WDPCP: variants seen among roughly 807,000 people sequenced by gnomAD.
WDPCP encodes WD repeat-containing and planar cell polarity effector protein fritz homolog.
In WDPCP, 71 loss-of-function variants were observed where a neutral mutation model predicts 93.1. That is an observed-to-expected ratio of 0.76 (90% CI 0.63 to 0.93). The LOEUF (loss-of-function observed/expected upper bound fraction) is 0.93, where lower values mean the gene tolerates loss of function less well. WDPCP is among the 40% of genes least tolerant of loss of function. WDPCP has a pLI of 0.00. For missense variants in WDPCP, 844 were observed against 887.4 expected (o/e 0.95, Z 0.62); for synonymous variants, 315 against 315.0 (o/e 1.00, Z 0.00).
intron 15 of WDPCP, among the ~76,000 whole-genome samples, chr2:63,173,408 A>G (rs992160449): frequency 1.3e-5 from 2 of 152,164 alleles, no homozygotes; most frequent in Non-Finnish European, 2.9e-5. Context: ...CAGAACTGGC[A>G]TTTCCTATCA....
chr2:63,452,288 T>C (rs141375498), intron 6 of WDPCP, among the ~76,000 whole-genome samples: 3,100 of 152,282 alleles, frequency 0.02, 124 homozygotes, highest in African/African-American at 0.071. Context: ...AGCATTCTTA[T>C]GCACCCATAA....
At chr2:63,765,726 G>A (rs981363039) in intron 2 of WDPCP, among the ~76,000 whole-genome samples, 2 of 152,216 alleles carry the variant, frequency 1.3e-5, no homozygotes, top group African/African-American at 4.8e-5. Flanking sequence ...GCTAAGGCAT[G>A]TGGTACTGAC....
intron 10 of WDPCP, among the ~76,000 whole-genome samples, chr2:63,397,674 C>T (rs77622751): frequency 0.015 from 2,351 of 152,174 alleles, 67 homozygotes; most frequent in African/African-American, 0.054. Context: ...GGTCAGCAAC[C>T]ATCAAATGCT....
At chr2:63,162,566 A>G (rs1672714636) in intron 15 of WDPCP, among the ~76,000 whole-genome samples, 1 of 152,148 alleles carries the variant, frequency 6.6e-6, no homozygotes. Context: ...TTCACTGAGG[A>G]GGGATATTTG....
In WDPCP at chr2:63,687,334, T is replaced by A. The variant is rs185590572; in HGVS notation, n.309-36496A>T. Among the ~76,000 whole-genome samples the A allele has an allele frequency of 1.2e-4, 19 of 152,332 alleles. No homozygotes were observed. The East Asian group carries it at 3.5e-3, about 28-fold the overall frequency. On this transcript the variant is annotated intron_variant and non_coding_transcript_variant, in intron 2 of 4. Transcript: ENST00000467687. ...CCAAAGCAAAAATGGACAAATGGTA[T>A]CACATGAAGTTAAAAAGCTTTCTGC...
At chr2:63,433,723 T>C in intron 9 of WDPCP, 22 bp downstream of exon 9, 2 of 1,583,140 alleles carry the variant, frequency 1.3e-6, no homozygotes, top group Non-Finnish European at 1.7e-6. Context: ...TATTAAAATG[T>C]ACATATTTGT....
intron 2 of WDPCP, among the ~76,000 whole-genome samples, chr2:63,722,339 G>A (rs1265809900): frequency 2.0e-5 from 3 of 150,314 alleles, no homozygotes; most frequent in Non-Finnish European, 3.0e-5. Flanking sequence ...TCTCTGCCCG[G>A]CCGCCCATCG....
chr2:63,544,676 A>G (rs1705003178), intron 1 of WDPCP, among the ~76,000 whole-genome samples: 1 of 152,122 alleles, frequency 6.6e-6, no homozygotes, highest in Non-Finnish European at 1.5e-5. Flanking sequence ...TAGGCAGAGT[A>G]GGCTCTTTTG....
At chr2:63,672,727 T>A (rs1710360550) in intron 2 of WDPCP, among the ~76,000 whole-genome samples, 1 of 136,518 alleles carries the variant, frequency 7.3e-6, no homozygotes, top group Admixed American at 7.2e-5. Context: ...TTTTATTTTA[T>A]TTTATTTTAT....
intron 12 of WDPCP, among the ~76,000 whole-genome samples, chr2:63,331,584 G>A (rs1464970633): frequency 6.6e-6 from 1 of 152,180 alleles, no homozygotes; most frequent in Admixed American, 6.5e-5. Context: ...TTAGATGAAT[G>A]TATAGTTATG....
At chr2:63,582,040 TA>T (rs1001539002) in intron 1 of WDPCP, among the ~76,000 whole-genome samples, 2 of 147,062 alleles carry the variant, frequency 1.4e-5, no homozygotes, top group Non-Finnish European at 3.0e-5. Flanking sequence ...TGACATTTAA[TA>T]AAAAAAATTA....
intron 13 of WDPCP, among the ~76,000 whole-genome samples, chr2:63,281,836 G>A (rs1001726953): frequency 6.6e-6 from 1 of 152,064 alleles, no homozygotes; most frequent in Non-Finnish European, 1.5e-5. Context: ...AATGGTGGGG[G>A]TGCGGTGAAT....
rs536233661 is a variant in WDPCP at position 63,211,328 on chromosome 2, C to A, written c.1916-36496G>T. Among the ~76,000 whole-genome samples, 180 of 152,342 alleles carry A rather than the reference C, an allele frequency of 1.2e-3. 1 individual carries two copies. The highest frequency in any genetic ancestry group is 4.1e-3 in the African/African-American group (169 of 41,574). On this transcript the variant is annotated intron_variant, in intron 14 of 17. Transcript: ENST00000272321. ...AATATTTATGGCTCTGCAGCCTCCG[C>A]TGGTGATACCCAGGCAAACAGGGTC...
intron 2 of WDPCP, among the ~76,000 whole-genome samples, chr2:63,708,608 A>AG (rs1669208381): frequency 6.6e-6 from 1 of 152,070 alleles, no homozygotes; most frequent in Non-Finnish European, 1.5e-5. Context: ...GCTTTGGGTC[A>AG]TGCACGGTGC....
chr2:63,715,685 G>A (rs1348559838), intron 2 of WDPCP, among the ~76,000 whole-genome samples: 1 of 152,200 alleles, frequency 6.6e-6, no homozygotes, highest in East Asian at 1.9e-4. Context: ...CTTGCAATTA[G>A]TGATCTGTAG....
rs202100263 is a variant in WDPCP, at chr2:63,492,299, T to TC, written c.160+556dup. Reference sequence around the variant, plus strand: ...CATTGTTAAAACACACATATTATTCTCCCCCCCCAAAATTGTGAAAAACAA... The same window carrying TC: ...CATTGTTAAAACACACATATTATTCTCCCCCCCCCAAAATTGTGAAAAACAA... On this transcript the variant is annotated intron_variant, in intron 2 of 17. Transcript: ENST00000272321. Among the ~76,000 whole-genome samples the TC allele has an allele frequency of 8.2e-3, 1,236 of 150,784 alleles. 10 individuals are homozygous for TC. Among genetic ancestry groups the TC allele is most frequent in the South Asian group, 0.017 (78 of 4,726 alleles).
chr2:63,586,972 A>G (rs1387125072), intron 1 of WDPCP, among the ~76,000 whole-genome samples: 2 of 152,224 alleles, frequency 1.3e-5, no homozygotes, highest in Non-Finnish European at 2.9e-5. Context: ...GGTGTACTGC[A>G]CCCATTAACT....
chr2:63,830,784 G>T, upstream of WDPCP, among the ~76,000 whole-genome samples: 1 of 151,910 alleles, frequency 6.6e-6, no homozygotes, highest in East Asian at 1.9e-4. Context: ...CTTTTTCTAT[G>T]TGACCTCTAA....
At chr2:63,589,004 C>T (rs750829098), upstream of WDPCP, 1 of 1,614,194 alleles carries the variant, frequency 6.2e-7, no homozygotes, top group South Asian at 1.1e-5. Flanking sequence ...CTCTGAGGCT[C>T]ATTTTGCAGT....
Sources: gnomAD v4.1 joint callset for allele counts (sites outside exome capture counted in the v4.1 genomes callset) on GRCh38, gnomAD v4.1.1 for gene constraint, MANE v1.5 for transcripts, NCBI Gene and HGNC (gene_info 2026-07-23, HGNC 2026-07-21) for gene names.